The following LDAH variants were observed in gnomAD, a reference collection of about 807,000 sequenced individuals.
The protein encoded by LDAH is lipid droplet associated hydrolase.
LDAH carries 26 observed loss-of-function variants against 29.6 expected under a neutral mutation model. The observed-to-expected ratio is 0.88, with a 90% CI of 0.64 to 1.22. The LOEUF (loss-of-function observed/expected upper bound fraction) is 1.22. Among genes scored for constraint, LDAH ranks in the 50% most tolerant of loss-of-function variants. The probability of loss-of-function intolerance (pLI) is 0.00; values close to 1 mark genes in which losing one functional copy is unlikely to be tolerated. For synonymous variants in LDAH, 117 were observed against 133.0 expected, an observed-to-expected ratio of 0.88 and a Z score of 0.83; for missense variants, 344 against 387.3, an observed-to-expected ratio of 0.89 and a Z score of 0.94.
At position 20,808,969 on chromosome 2, in the gene LDAH, T is replaced by C. The variant is rs545155664; in HGVS notation, c.-2-7504A>G. ...TCACACCACAGACAAAATATAGTACTAGGTATATTATAGATCTAAATGTGA... is the reference window on the plus strand; with the variant it reads ...TCACACCACAGACAAAATATAGTACCAGGTATATTATAGATCTAAATGTGA... On this transcript the variant is annotated intron_variant, in intron 1 of 6. Transcript: ENST00000237822. Among the ~76,000 whole-genome samples, 5 of 152,226 alleles carry C rather than the reference T, an allele frequency of 3.3e-5. No homozygotes were observed. The South Asian group carries it at 1.0e-3, about 32-fold the overall frequency.
intron 1 of LDAH, among the ~76,000 whole-genome samples, chr2:20,817,407 AAAAC>A (rs1212390737): frequency 6.6e-6 from 1 of 152,074 alleles, no homozygotes; most frequent in Non-Finnish European, 1.5e-5. Context: ...AAGGCAGTAC[AAAAC>A]AAACAAGCAA....
intron 1 of LDAH, among the ~76,000 whole-genome samples, chr2:20,818,905 C>T (rs1183557805): frequency 6.6e-6 from 1 of 152,050 alleles, no homozygotes; most frequent in Non-Finnish European, 1.5e-5. Flanking sequence ...GATGTGGTTG[C>T]GAGATGAGCA....
chr2:20,768,363 C>T (rs916277192), intron 4 of LDAH, among the ~76,000 whole-genome samples: 20 of 152,174 alleles, frequency 1.3e-4, no homozygotes, highest in African/African-American at 3.9e-4. Context: ...TGGGTGCCAC[C>T]GCATTCCCTG....
chr2:20,790,299 T>C lies in LDAH; in HGVS notation c.254A>G (p.His85Arg), dbSNP rs1478103428. 6.2e-7 allele frequency: 1 copy of C among 1,614,176 alleles called. No homozygotes were observed. Among genetic ancestry groups the C allele is most frequent in the Non-Finnish European group, 8.5e-7 (1 of 1,180,018 alleles). The change falls in exon 3 of 7, where the codon CAT becomes CGT. Residue 85 changes from histidine (H) to arginine (R), a missense_variant. His to Arg is a conservative substitution (Grantham distance 29). Coordinates refer to ENST00000237822, the MANE Select transcript of LDAH (RefSeq NM_021925.4). Reference protein sequence around the residue: ...FPVWTISHAGHALAPKDKKIL... With the variant: ...FPVWTISHAGRALAPKDKKIL... ...CTTCTTGTCTTTGGGAGCCAACGCA[T>C]GCCCAGCATGACTGATAGTCCAAAC...
chr2:20,685,189 A>G lies in LDAH; in HGVS notation c.*1714T>C. 2.1e-6 allele frequency: 1 copy of G among 480,190 alleles called. No individual in the cohort carries two copies. Among genetic ancestry groups the G allele is most frequent in the East Asian group, 3.3e-5 (1 of 29,872 alleles). The allele number at this position is 480,190 out of a possible 1,614,324, so 29.7% of individuals were successfully genotyped here. ...TTTCATACGTGCAGACTTTTGAAATATGGAGTAACATTTAAAATAACAGAT... is the reference window on the plus strand; with the variant it reads ...TTTCATACGTGCAGACTTTTGAAATGTGGAGTAACATTTAAAATAACAGAT... On this transcript the variant is annotated 3_prime_UTR_variant, in exon 7 of 7. Transcript: ENST00000237822.
chr2:20,768,030 C>A (rs945177681), intron 4 of LDAH, among the ~76,000 whole-genome samples: 3 of 152,162 alleles, frequency 2.0e-5, no homozygotes, highest in African/African-American at 7.2e-5. Context: ...CCTGGCTACA[C>A]AGAGGAGCTG....
intron 4 of LDAH, among the ~76,000 whole-genome samples, chr2:20,761,287 GA>G (rs546369476): frequency 2.6e-4 from 39 of 147,972 alleles, no homozygotes; most frequent in African/African-American, 5.2e-4. Flanking sequence ...TTAATTAAAT[GA>G]AAAAAAAAAT....
chr2:20,682,689 A>C (rs13382862), downstream of LDAH, among the ~76,000 whole-genome samples: 1 of 151,972 alleles, frequency 6.6e-6, no homozygotes, highest in African/African-American at 2.4e-5. Flanking sequence ...CCATTCAGGA[A>C]GGAAGGGCCC....
At position 20,728,277 on chromosome 2, in the gene LDAH, CGTT is replaced by C. The variant is rs1248707779; in HGVS notation, c.703+11691_703+11693del. On this transcript the variant is annotated intron_variant, in intron 5 of 6. Coordinates refer to ENST00000237822, the MANE Select transcript of LDAH (RefSeq NM_021925.4). ...AAGGCATGCTGGCAGGTTAAAAGGTCGTTGTCTGGATGATAGTCAAGCCACAGA... is the reference window on the plus strand; with the variant it reads ...AAGGCATGCTGGCAGGTTAAAAGGTCGTCTGGATGATAGTCAAGCCACAGA... Among the ~76,000 whole-genome samples, 4 of 152,250 alleles carry C rather than the reference CGTT, an allele frequency of 2.6e-5. No individual in the cohort carries two copies. In the East Asian group the frequency reaches 7.7e-4, roughly 29 times the overall value.
At chr2:20,754,743 C>T (rs750782830) in intron 4 of LDAH, among the ~76,000 whole-genome samples, 1 of 151,924 alleles carries the variant, frequency 6.6e-6, no homozygotes, top group Non-Finnish European at 1.5e-5. Context: ...AATACAAAAT[C>T]AGGATAATCT....
chr2:20,804,164 C>A (rs1302433450), intron 1 of LDAH, among the ~76,000 whole-genome samples: 1 of 152,176 alleles, frequency 6.6e-6, no homozygotes, highest in African/African-American at 2.4e-5. Context: ...TTTCCCACAG[C>A]ACCACAGACA....
At chr2:20,694,748 C>T (rs1663307701) in intron 6 of LDAH, among the ~76,000 whole-genome samples, 1 of 152,170 alleles carries the variant, frequency 6.6e-6, no homozygotes, top group African/African-American at 2.4e-5. Flanking sequence ...CTATGGGGCA[C>T]TGTGTGGCTC....
In LDAH at chr2:20,819,121, G is replaced by A. The variant is rs1673066791; in HGVS notation, c.-3+3916C>T. Among the ~76,000 whole-genome samples the A allele has an allele frequency of 2.0e-5, 3 of 152,184 alleles. No individual in the cohort carries two copies. In the South Asian group the frequency reaches 6.2e-4, roughly 32 times the overall value. Reference sequence around the variant, plus strand: ...CGAAACCACACACTACACTCAAGATGAACTTGCTGAATTATCTTTACTGGA... The same window carrying A: ...CGAAACCACACACTACACTCAAGATAAACTTGCTGAATTATCTTTACTGGA... On this transcript the variant is annotated intron_variant, in intron 1 of 6. Coordinates refer to ENST00000237822, the MANE Select transcript of LDAH (RefSeq NM_021925.4).
chr2:20,766,957 T>G (rs984548252), intron 4 of LDAH, among the ~76,000 whole-genome samples: 2 of 152,138 alleles, frequency 1.3e-5, no homozygotes, highest in African/African-American at 4.8e-5. Flanking sequence ...GGGTCTGCCC[T>G]GCATCAGGGT....
chr2:20,727,694 C>T (rs1432834664), intron 5 of LDAH, among the ~76,000 whole-genome samples: 1 of 152,072 alleles, frequency 6.6e-6, no homozygotes, highest in Non-Finnish European at 1.5e-5. Context: ...ATCAGAAAAT[C>T]AACTTAGCTG....
chr2:20,821,852 T>C (rs1345058432), intron 1 of LDAH, among the ~76,000 whole-genome samples: 2 of 152,058 alleles, frequency 1.3e-5, no homozygotes, highest in Admixed American at 1.3e-4. Flanking sequence ...AATATAAAAT[T>C]TTAGATGGGC....
chr2:20,716,750 A>G (rs1412585677), intron 5 of LDAH, among the ~76,000 whole-genome samples: 3 of 149,882 alleles, frequency 2.0e-5, no homozygotes, highest in African/African-American at 7.3e-5. Flanking sequence ...ATATATGAGT[A>G]GAGAAGCACC....
At chr2:20,772,235 AAT>A (rs1195012684) in intron 4 of LDAH, among the ~76,000 whole-genome samples, 1 of 152,244 alleles carries the variant, frequency 6.6e-6, no homozygotes, top group Non-Finnish European at 1.5e-5. Flanking sequence ...TTAAGTTAAT[AAT>A]AGTCTGTGAT....
At chr2:20,741,568 G>T (rs111437253) in intron 4 of LDAH, among the ~76,000 whole-genome samples, 1 of 152,036 alleles carries the variant, frequency 6.6e-6, no homozygotes, top group African/African-American at 2.4e-5. Flanking sequence ...AGGAAAAAAC[G>T]TTATTACTTC....
Sources: allele counts gnomAD v4.1 joint callset (sites outside exome capture counted in the v4.1 genomes callset), GRCh38; gene constraint gnomAD v4.1.1; transcripts MANE v1.5; gene names NCBI Gene and HGNC (gene_info 2026-07-23, HGNC 2026-07-21).